The following CNTN1 variants were observed in gnomAD, a reference collection of about 807,000 sequenced individuals.
CNTN1 encodes contactin-1.
Under a neutral mutation model 126.4 loss-of-function variants are expected in CNTN1, and 38 were observed. That is an observed-to-expected ratio of 0.30 (90% CI 0.23 to 0.39). CNTN1 has a LOEUF of 0.39. CNTN1 is among the 10% of genes least tolerant of loss of function. The probability of loss-of-function intolerance (pLI) is 1.00; values close to 1 mark genes in which losing one functional copy is unlikely to be tolerated. For missense variants in CNTN1, 1,009 were observed against 1,248.4 expected, an observed-to-expected ratio of 0.81 and a Z score of 2.89; for synonymous variants, 413 against 422.6, an observed-to-expected ratio of 0.98 and a Z score of 0.28.
rs1218464840 is a variant in CNTN1 at position 41,072,225 on chromosome 12, T to C, written c.*2190T>C. ...GAATTAAACTTTATATAGGTATAGA[T>C]ACATCTGTTGTTTCTTTGTATTTCA... On this transcript the variant is annotated 3_prime_UTR_variant, in exon 24 of 24. Coordinates refer to ENST00000551295, the MANE Select transcript of CNTN1 (RefSeq NM_001843.4). 1 of 152,254 alleles carries C rather than the reference T, an allele frequency of 6.6e-6. No homozygotes were observed. The highest frequency in any genetic ancestry group is 2.4e-5 in the African/African-American group (1 of 41,468). 9.4% of individuals were successfully genotyped at this position (152,254 alleles called of 1,614,324 possible).
chr12:40,696,028 G>C (rs1941443180), intron 1 of CNTN1, among the ~76,000 whole-genome samples: 1 of 152,020 alleles, frequency 6.6e-6, no homozygotes, highest in Admixed American at 6.6e-5. Context: ...AGTCAACTGG[G>C]GATTATCATA....
chr12:40,726,925 AAATT>A (rs143229706), intron 1 of CNTN1, among the ~76,000 whole-genome samples: 1,901 of 138,854 alleles, frequency 0.014, 26 homozygotes, highest in African/African-American at 0.054. Context: ...CATTATAATA[AAATT>A]AATTATGAAA....
At chr12:40,907,592 T>C (rs1198253394) in intron 1 of CNTN1, among the ~76,000 whole-genome samples, 1 of 152,242 alleles carries the variant, frequency 6.6e-6, no homozygotes, top group Non-Finnish European at 1.5e-5. Context: ...GATATTTTAA[T>C]TAGACTGCTA....
intron 1 of CNTN1, among the ~76,000 whole-genome samples, chr12:40,712,225 T>G (rs531247757): frequency 6.6e-6 from 1 of 152,282 alleles, no homozygotes; most frequent in East Asian, 1.9e-4. Context: ...TGTTCAATTT[T>G]TCTTCTTGGA....
intron 1 of CNTN1, among the ~76,000 whole-genome samples, chr12:40,897,844 T>A (rs910290835): frequency 2.2e-4 from 34 of 152,182 alleles, no homozygotes; most frequent in African/African-American, 8.0e-4. Context: ...CACTTAGGAT[T>A]AAATATTATG....
At chr12:40,764,273 A>G (rs1761851339) in intron 1 of CNTN1, among the ~76,000 whole-genome samples, 1 of 152,206 alleles carries the variant, frequency 6.6e-6, no homozygotes, top group Non-Finnish European at 1.5e-5. Flanking sequence ...ATTCAAGACT[A>G]TTGCAGTATG....
chr12:40,786,713 C>G (rs1940036021), intron 1 of CNTN1, among the ~76,000 whole-genome samples: 1 of 152,016 alleles, frequency 6.6e-6, no homozygotes, highest in Non-Finnish European at 1.5e-5. Flanking sequence ...GAACTGGAAG[C>G]AGAGAAACAA....
At chr12:40,906,305 C>T (rs923283406) in intron 1 of CNTN1, among the ~76,000 whole-genome samples, 8 of 152,166 alleles carry the variant, frequency 5.3e-5, no homozygotes, top group African/African-American at 1.7e-4. Context: ...TTCTTCACCT[C>T]TATTAAACTG....
At chr12:40,956,707 T>C (rs1031350771) in intron 14 of CNTN1, among the ~76,000 whole-genome samples, 2 of 151,992 alleles carry the variant, frequency 1.3e-5, no homozygotes, top group African/African-American at 2.4e-5. Context: ...GCCTAGAGAA[T>C]GGAATCAAGT....
rs1311928566 is a variant in CNTN1 at position 41,069,057 on chromosome 12, A to T, written c.2981-902A>T. On this transcript the variant is annotated intron_variant, in intron 23 of 23. Coordinates refer to ENST00000551295, the MANE Select transcript of CNTN1 (RefSeq NM_001843.4). ...CTAATAGTTGTGGACATTGGGAAGA[A>T]AGAGTATGACTTTTTGGTCCTACTT... Among the ~76,000 whole-genome samples the T allele has an allele frequency of 3.3e-5, 5 of 152,330 alleles. No homozygotes were observed. The East Asian group carries it at 9.7e-4, about 29-fold the overall frequency.
At chr12:40,836,433 G>A (rs887781097) in intron 1 of CNTN1, among the ~76,000 whole-genome samples, 7 of 151,814 alleles carry the variant, frequency 4.6e-5, no homozygotes, top group African/African-American at 1.7e-4. Flanking sequence ...TTATTAATTA[G>A]TAAATATTTA....
At chr12:40,986,438 G>C (rs1947955780) in intron 16 of CNTN1, among the ~76,000 whole-genome samples, 1 of 152,138 alleles carries the variant, frequency 6.6e-6, no homozygotes, top group Non-Finnish European at 1.5e-5. Flanking sequence ...TTTAGCACAG[G>C]CTTCAAGTAA....
rs537500165 is a variant in CNTN1, at chr12:41,054,438, T to A, written c.2981-15521T>A. ...GAGGCAAGGTTAGTTATACACAAGATGAAAAATCATGGTGAAAATATGATT... is the reference window on the plus strand; with the variant it reads ...GAGGCAAGGTTAGTTATACACAAGAAGAAAAATCATGGTGAAAATATGATT... On this transcript the variant is annotated intron_variant, in intron 23 of 23. Transcript: ENST00000551295. Among the ~76,000 whole-genome samples the A allele has an allele frequency of 3.9e-5, 6 of 152,096 alleles. No homozygotes were observed. The South Asian group carries it at 8.3e-4, about 21-fold the overall frequency.
At chr12:40,962,501 G>A (rs998962213) in intron 15 of CNTN1, among the ~76,000 whole-genome samples, 15 of 152,196 alleles carry the variant, frequency 9.9e-5, no homozygotes, top group Middle Eastern at 3.4e-3. Context: ...CATTGGATCT[G>A]ATTTCATGGG....
At position 40,812,591 on chromosome 12, in the gene CNTN1, G is replaced by A. The variant is rs886460228; in HGVS notation, c.-76-95766G>A. The stretch of plus-strand genomic sequence containing the variant: ...TTATATATTTAGCTGCTATAGTATT[G>A]GGTGCATATATATTTACAATGGTTA... On this transcript the variant is annotated intron_variant, in intron 1 of 23. Coordinates refer to ENST00000551295, the MANE Select transcript of CNTN1 (RefSeq NM_001843.4). Among the ~76,000 whole-genome samples the A allele has an allele frequency of 3.3e-5, 5 of 152,128 alleles. No individual in the cohort carries two copies. In the South Asian group the frequency reaches 8.3e-4, roughly 25 times the overall value.
At chr12:40,707,034 GCGCGCGCTTGCGCACACACA>G (rs1941761745) in intron 1 of CNTN1, among the ~76,000 whole-genome samples, 1 of 109,350 alleles carries the variant, frequency 9.1e-6, no homozygotes, top group Admixed American at 8.6e-5. Context: ...AGACGTGCGC[GCGCGCGCTTGCGCACACACA>G]CACACACACA....
intron 12 of CNTN1, among the ~76,000 whole-genome samples, chr12:40,941,436 T>C (rs1221869615): frequency 6.6e-6 from 1 of 152,142 alleles, no homozygotes; most frequent in Admixed American, 6.6e-5. Context: ...CTGAATATAA[T>C]TATAAACAAC....
chr12:40,952,413 G>T (rs1946722943), intron 14 of CNTN1, among the ~76,000 whole-genome samples: 1 of 152,052 alleles, frequency 6.6e-6, no homozygotes, highest in Non-Finnish European at 1.5e-5. Context: ...CTAGCACATT[G>T]CTAGACATTT....
intron 23 of CNTN1, among the ~76,000 whole-genome samples, chr12:41,042,549 T>A (rs1368114765): frequency 6.6e-6 from 1 of 151,922 alleles, no homozygotes; most frequent in Non-Finnish European, 1.5e-5. Context: ...TGTGTGGGAG[T>A]CTAAGTCTCT....
Sources: gnomAD v4.1 joint callset for allele counts (sites outside exome capture counted in the v4.1 genomes callset) on GRCh38, gnomAD v4.1.1 for gene constraint, MANE v1.5 for transcripts, NCBI Gene and HGNC (gene_info 2026-07-23, HGNC 2026-07-21) for gene names.